Variants in STARD8 observed in about 807,000 individuals in gnomAD.
The protein encoded by STARD8 is stAR-related lipid transfer protein 8.
Under a neutral mutation model 69.4 loss-of-function variants are expected in STARD8, and 25 were observed. The observed-to-expected ratio is 0.36, with a 90% CI of 0.26 to 0.50. The LOEUF (loss-of-function observed/expected upper bound fraction) is 0.50, where lower values mean the gene tolerates loss of function less well. STARD8 is among the 20% of genes least tolerant of loss of function. The pLI is 0.96. For synonymous variants in STARD8, 389 were observed against 374.6 expected, an observed-to-expected ratio of 1.04 and a Z score of -0.45; for missense variants, 921 against 932.5, an observed-to-expected ratio of 0.99 and a Z score of 0.16.
In STARD8 at chrX:68,647,811, C is replaced by A. The variant is rs2147861769; in HGVS notation, c.-72C>A. The A allele has an allele frequency of 8.7e-7, 1 of 1,152,145 alleles. No individual in the cohort carries two copies. Among genetic ancestry groups the A allele is most frequent in the South Asian group, 1.9e-5 (1 of 52,025 alleles). 94.9% of individuals were successfully genotyped at this position (1,152,145 alleles called of 1,213,427 possible). Reference sequence around the variant, plus strand: ...CGCCGAGCCCCGGGCCTCTTTTAGCCTCGTCCCCAGAGAGGGAGGAGCCGG... The same window carrying A: ...CGCCGAGCCCCGGGCCTCTTTTAGCATCGTCCCCAGAGAGGGAGGAGCCGG... On this transcript the variant is annotated 5_prime_UTR_variant, in exon 1 of 15. Transcript: ENST00000374599.
rs2079523280 is a variant in STARD8, at chrX:68,647,682, G to A, written c.-201G>A. The A allele has an allele frequency of 4.4e-6, 2 of 455,263 alleles. No individual in the cohort carries two copies. The highest frequency in any genetic ancestry group is 3.6e-6 in the Non-Finnish European group (1 of 274,016). 37.5% of individuals were successfully genotyped at this position (455,263 alleles called of 1,213,427 possible). Reference sequence around the variant, plus strand: ...CCCTCCCTCGGTGGCCTTCCAGGAGGCGGGAGGCGCCCGCTGTCGAGGCAG... The same window carrying A: ...CCCTCCCTCGGTGGCCTTCCAGGAGACGGGAGGCGCCCGCTGTCGAGGCAG... On this transcript the variant is annotated 5_prime_UTR_variant, in exon 1 of 15. Transcript: ENST00000374599.
chrX:68,717,078 T>G, intron 5 of STARD8, 134 bp from the exon 6 acceptor site: 1 of 1,010,243 alleles, frequency 9.9e-7, no homozygotes, highest in Non-Finnish European at 1.3e-6. Context: ...TCTCCCCACC[T>G]AGGCCATGTT....
chrX:68,704,810 C>T (rs1420719591), intron 2 of STARD8, among the ~76,000 whole-genome samples: 1 of 111,478 alleles, frequency 9.0e-6, no homozygotes, highest in African/African-American at 3.3e-5. Context: ...TCACACACAC[C>T]TCTGCTGCAG....
intron 2 of STARD8, among the ~76,000 whole-genome samples, chrX:68,702,584 A>G (rs2079974553): frequency 9.0e-6 from 1 of 111,728 alleles, no homozygotes; most frequent in South Asian, 3.8e-4. Flanking sequence ...AGCCTAGACA[A>G]TTTCTTTTCT....
chrX:68,703,267 G>A (rs1305435929), intron 2 of STARD8, among the ~76,000 whole-genome samples: 2 of 112,012 alleles, frequency 1.8e-5, no homozygotes, highest in African/African-American at 6.5e-5. Flanking sequence ...TTTAAAAAAA[G>A]AAAAGGAAGA....
chrX:68,704,459 G>T (rs771277550), intron 2 of STARD8, among the ~76,000 whole-genome samples: 6 of 111,252 alleles, frequency 5.4e-5, no homozygotes, highest in Non-Finnish European at 1.1e-4. Context: ...GAAGCAGCTG[G>T]CAGGATGGCC....
chrX:68,709,659 TA>T (rs973237438), intron 2 of STARD8, among the ~76,000 whole-genome samples: 1 of 109,218 alleles, frequency 9.2e-6, no homozygotes, highest in African/African-American at 3.3e-5. Flanking sequence ...CTACAAAAAA[TA>T]AAAAGAAAAT....
At chrX:68,653,076 C>T (rs1298559606) in intron 1 of STARD8, among the ~76,000 whole-genome samples, 3 of 36,992 alleles carry the variant, frequency 8.1e-5, no homozygotes, top group Non-Finnish European at 9.2e-5. Context: ...ACACCACACA[C>T]ACACCACACC....
At chrX:68,705,659 C>T (rs1348584637) in intron 2 of STARD8, among the ~76,000 whole-genome samples, 1 of 112,484 alleles carries the variant, frequency 8.9e-6, no homozygotes. Flanking sequence ...AAGGCAGAGG[C>T]CAACCCTCAG....
At chrX:68,686,820 C>T (rs2079836288) in intron 2 of STARD8, among the ~76,000 whole-genome samples, 2 of 112,168 alleles carry the variant, frequency 1.8e-5, no homozygotes, top group Admixed American at 9.4e-5. Flanking sequence ...GCCCCATCCT[C>T]TTATCCCAGC....
intron 1 of STARD8, among the ~76,000 whole-genome samples, chrX:68,653,907 C>T (rs1228702954): frequency 8.9e-6 from 1 of 111,859 alleles, no homozygotes; most frequent in Admixed American, 9.5e-5. Flanking sequence ...GAACACAAAT[C>T]CTCCCTCATG....
Position 68,725,689 on chromosome X carries a change from C to T in STARD8, c.*1267C>T, listed in dbSNP as rs2080195874. The stretch of plus-strand genomic sequence containing the variant: ...ACACACACGCATTTGCACAGACACA[C>T]ACATATATCAATTCTCATGAGTGTA... On this transcript the variant is annotated 3_prime_UTR_variant, in exon 15 of 15. Transcript: ENST00000374599. 2.8e-5 allele frequency: 3 copies of T among 107,670 alleles called. No individual in the cohort carries two copies. Among genetic ancestry groups the T allele is most frequent in the Admixed American group, 1.0e-4 (1 of 9,980 alleles). The allele number at this position is 107,670 out of a possible 1,213,427, so 8.9% of individuals were successfully genotyped here.
chrX:68,654,690 A>G (rs1303281365), intron 1 of STARD8, among the ~76,000 whole-genome samples: 1 of 111,128 alleles, frequency 9.0e-6, no homozygotes, highest in East Asian at 2.9e-4. Context: ...ACCTGTTCAT[A>G]TGGGTGTGAG....
At chrX:68,655,326 A>G (rs1214441614) in intron 1 of STARD8, among the ~76,000 whole-genome samples, 1 of 112,166 alleles carries the variant, frequency 8.9e-6, no homozygotes, top group African/African-American at 3.2e-5. Context: ...CTTGTTCCAA[A>G]GAAATAAATT....
chrX:68,686,002 G>C (rs2079829313), intron 2 of STARD8, among the ~76,000 whole-genome samples: 1 of 111,984 alleles, frequency 8.9e-6, no homozygotes, highest in South Asian at 3.7e-4. Flanking sequence ...GTGAGATTTG[G>C]GGGCAGACAG....
At chrX:68,672,613 A>G (rs2079735407) in intron 2 of STARD8, among the ~76,000 whole-genome samples, 1 of 111,709 alleles carries the variant, frequency 9.0e-6, no homozygotes. Flanking sequence ...AAAGCAGAAC[A>G]AACTGGTGTC....
rs777830461 is a variant in STARD8 at position 68,651,859 on chromosome X, C to CT, written c.45+3948dup. ...CGAACATTTGGTGGGTGGGTTAAGT[C>CT]TTTTTTTTTTTTTTTTGACCGAGTC... On this transcript the variant is annotated intron_variant, in intron 1 of 14. Coordinates refer to ENST00000374599, the MANE Select transcript of STARD8 (RefSeq NM_001142503.3). Among the ~76,000 whole-genome samples, 340 of 96,041 alleles carry CT rather than the reference C, an allele frequency of 3.5e-3. 1 individual carries two copies. The highest frequency in any genetic ancestry group is 4.6e-3 in the Non-Finnish European group (219 of 47,323). 83.4% of individuals were successfully genotyped at this position (96,041 alleles called of 115,157 possible). A position where few individuals can be genotyped will look rare whatever the true frequency, so the allele number is the denominator to read the frequency against.
chrX:68,690,379 G>T (rs1434218820), intron 2 of STARD8, among the ~76,000 whole-genome samples: 1 of 109,918 alleles, frequency 9.1e-6, no homozygotes, highest in Non-Finnish European at 1.9e-5. Context: ...ATTCCAGAGT[G>T]GGGGCATGGG....
At chrX:68,661,962 C>CTTTCTTTCTT (rs1556020250) in intron 1 of STARD8, among the ~76,000 whole-genome samples, 20 of 76,843 alleles carry the variant, frequency 2.6e-4, no homozygotes, top group African/African-American at 1.3e-3. Context: ...CTCTCTCTCT[C>CTTTCTTTCTT]TCTCTCTCTC....
Sources: gnomAD v4.1 joint callset for allele counts (sites outside exome capture counted in the v4.1 genomes callset) on GRCh38, gnomAD v4.1.1 for gene constraint, MANE v1.5 for transcripts, NCBI Gene and HGNC (gene_info 2026-07-23, HGNC 2026-07-21) for gene names.